TMCC1: variants seen among roughly 807,000 people sequenced by gnomAD.
The protein encoded by TMCC1 is transmembrane and coiled-coil domain family 1.
In TMCC1, 15 loss-of-function variants were observed where a neutral mutation model predicts 52.4. That is an observed-to-expected ratio of 0.29 (90% CI 0.19 to 0.44). The LOEUF (loss-of-function observed/expected upper bound fraction) is 0.44. Among genes scored for constraint, TMCC1 ranks in the 20% least tolerant of loss-of-function variants. The pLI, the probability that TMCC1 is intolerant of heterozygous loss-of-function variation, is 1.00. For missense variants in TMCC1, 503 were observed against 806.0 expected, an observed-to-expected ratio of 0.62 and a Z score of 4.55; for synonymous variants, 279 against 301.9, an observed-to-expected ratio of 0.92 and a Z score of 0.79.
At chr3:129,859,571 A>G (rs2060290449) in intron 2 of TMCC1, among the ~76,000 whole-genome samples, 2 of 152,160 alleles carry the variant, frequency 1.3e-5, no homozygotes, top group South Asian at 2.1e-4. Flanking sequence ...TGGCAAGCCG[A>G]GGCTGCAGTG....
intron 2 of TMCC1, among the ~76,000 whole-genome samples, chr3:129,850,221 GC>G (rs1206095926): frequency 6.6e-6 from 1 of 152,120 alleles, no homozygotes; most frequent in African/African-American, 2.4e-5. Context: ...ATGTTTAAGT[GC>G]CTTAAAAAGG....
At chr3:129,770,432 C>T (rs979309757) in intron 4 of TMCC1, among the ~76,000 whole-genome samples, 2 of 152,018 alleles carry the variant, frequency 1.3e-5, no homozygotes, top group South Asian at 4.1e-4. Flanking sequence ...AGGAAGATTG[C>T]TTGAGCCCAG....
intron 2 of TMCC1, among the ~76,000 whole-genome samples, chr3:129,843,672 A>C (rs80320646): frequency 6.6e-6 from 1 of 152,192 alleles, no homozygotes; most frequent in African/African-American, 2.4e-5. Context: ...GAACTACAAA[A>C]AATATAGAAG....
chr3:129,758,718 C>A (rs1295920075), intron 4 of TMCC1, among the ~76,000 whole-genome samples: 1 of 152,156 alleles, frequency 6.6e-6, no homozygotes, highest in Non-Finnish European at 1.5e-5. Flanking sequence ...CTAACCGTTT[C>A]TAAGTATATA....
chr3:129,822,770 G>A (rs759571101), intron 4 of TMCC1, among the ~76,000 whole-genome samples: 1 of 152,136 alleles, frequency 6.6e-6, no homozygotes, highest in Non-Finnish European at 1.5e-5. Context: ...CTCTGGACCT[G>A]TAAAATCAGG....
intron 4 of TMCC1, among the ~76,000 whole-genome samples, chr3:129,761,229 G>A (rs1329866770): frequency 6.6e-6 from 1 of 151,864 alleles, no homozygotes; most frequent in Non-Finnish European, 1.5e-5. Context: ...TCGGGAGGGT[G>A]AGGCGGGAGA....
rs375094308 is a variant in TMCC1, at chr3:129,839,366, G to A, written c.-183-6540C>T. 3.9e-5 allele frequency among the ~76,000 whole-genome samples: 6 copies of A among 151,934 alleles called. No homozygotes were observed. In the East Asian group the frequency reaches 1.2e-3, roughly 29 times the overall value. On this transcript the variant is annotated intron_variant, in intron 2 of 6. Coordinates refer to ENST00000393238, the MANE Select transcript of TMCC1 (RefSeq NM_001017395.5). ...CTCAGGTTATTTTAAAATGTATAAT[G>A]TAAACAAAAAAGCAACCACTAAAAA...
intron 6 of TMCC1, among the ~76,000 whole-genome samples, chr3:129,652,374 C>A (rs1202757962): frequency 6.6e-6 from 1 of 152,126 alleles, no homozygotes; most frequent in Non-Finnish European, 1.5e-5. Flanking sequence ...CCCAAAGAAA[C>A]CTGAAAAAGT....
intron 4 of TMCC1, among the ~76,000 whole-genome samples, chr3:129,709,541 T>C (rs1004448788): frequency 6.8e-5 from 10 of 147,060 alleles, no homozygotes; most frequent in African/African-American, 1.5e-4. Flanking sequence ...CTAACACCAT[T>C]TACTTTTCTC....
At position 129,689,403 on chromosome 3, in the gene TMCC1, G is replaced by C. The variant is rs952401988; in HGVS notation, c.577-18139C>G. 6.6e-5 allele frequency among the ~76,000 whole-genome samples: 10 copies of C among 152,290 alleles called. No homozygotes were observed. The East Asian group carries it at 1.7e-3, about 26-fold the overall frequency. On this transcript the variant is annotated intron_variant, in intron 4 of 6. Transcript: ENST00000393238. ...CTTTATTTGTAAAAGCAGTTGTGGG[G>C]AACACACATAGGAGGAATTTAAATG... is the stretch of plus-strand genomic sequence containing the variant.
At chr3:129,684,918 T>A (rs1229933788) in intron 4 of TMCC1, among the ~76,000 whole-genome samples, 1 of 152,220 alleles carries the variant, frequency 6.6e-6, no homozygotes, top group Non-Finnish European at 1.5e-5. Context: ...ATTTTTTCTT[T>A]ATGTAAAACA....
chr3:129,740,529 G>A (rs2051370680), intron 4 of TMCC1, among the ~76,000 whole-genome samples: 1 of 152,062 alleles, frequency 6.6e-6, no homozygotes, highest in African/African-American at 2.4e-5. Context: ...TAACTCATGG[G>A]AGTTCTCAAC....
At chr3:129,817,398 G>A (rs1027802708) in intron 4 of TMCC1, among the ~76,000 whole-genome samples, 8 of 152,172 alleles carry the variant, frequency 5.3e-5, no homozygotes, top group Admixed American at 3.3e-4. Context: ...GCAGTGAGCC[G>A]TGATCAAACT....
chr3:129,665,954 T>C (rs1367866454), intron 5 of TMCC1, among the ~76,000 whole-genome samples: 1 of 152,162 alleles, frequency 6.6e-6, no homozygotes, highest in African/African-American at 2.4e-5. Context: ...CTTGTCACCA[T>C]CATCATCAAA....
chr3:129,760,933 CAT>C (rs1440314387), intron 4 of TMCC1, among the ~76,000 whole-genome samples: 2 of 152,064 alleles, frequency 1.3e-5, no homozygotes, highest in African/African-American at 4.8e-5. Context: ...TTACTAAATT[CAT>C]ACTTTAGAGT....
At chr3:129,655,135 G>C (rs2086587313) in intron 5 of TMCC1, 32 bp from the exon 6 acceptor site, 1 of 1,601,200 alleles carries the variant, frequency 6.2e-7, no homozygotes, top group East Asian at 2.2e-5. Flanking sequence ...AGAATTTTAT[G>C]AATTCTGTGA....
intron 4 of TMCC1, among the ~76,000 whole-genome samples, chr3:129,732,862 T>C (rs1222508720): frequency 6.6e-6 from 1 of 152,144 alleles, no homozygotes; most frequent in Non-Finnish European, 1.5e-5. Context: ...AAAGAAAAAG[T>C]TTCTGTACTT....
At chr3:129,699,301 G>C (rs375763704) in intron 4 of TMCC1, among the ~76,000 whole-genome samples, 159 of 152,252 alleles carry the variant, frequency 1.0e-3, no homozygotes, top group African/African-American at 3.4e-3. Context: ...AGACGCCAGC[G>C]AAAAGTTCAT....
chr3:129,829,587 A>G (rs2058815301), intron 3 of TMCC1, among the ~76,000 whole-genome samples: 1 of 152,162 alleles, frequency 6.6e-6, no homozygotes, highest in Admixed American at 6.5e-5. Flanking sequence ...AAGCTGCTAC[A>G]GAATGCAAAA....
Sources: gnomAD v4.1 joint callset for allele counts (sites outside exome capture counted in the v4.1 genomes callset) on GRCh38, gnomAD v4.1.1 for gene constraint, MANE v1.5 for transcripts, NCBI Gene and HGNC (gene_info 2026-07-23, HGNC 2026-07-21) for gene names.